Variants in TAFA2 observed in about 807,000 individuals in gnomAD.
TAFA2 encodes chemokine-like protein TAFA-2.
In TAFA2, 7 loss-of-function variants were observed where a neutral mutation model predicts 18.8. The observed-to-expected ratio is 0.37, with a 90% CI of 0.21 to 0.70. TAFA2 has a LOEUF of 0.70. Among genes scored for constraint, TAFA2 ranks in the 30% least tolerant of loss-of-function variants. The pLI is 0.53. For missense variants in TAFA2, 122 were observed against 158.1 expected, an observed-to-expected ratio of 0.77 and a Z score of 1.23; for synonymous variants, 60 against 54.2, an observed-to-expected ratio of 1.11 and a Z score of -0.47.
intron 1 of TAFA2, among the ~76,000 whole-genome samples, chr12:61,943,557 C>T (rs537697087): frequency 6.8e-6 from 1 of 147,496 alleles, no homozygotes; most frequent in East Asian, 2.0e-4. Flanking sequence ...TTCAGGAAAC[C>T]CATCTCACGT....
chr12:62,106,931 C>G (rs958908817), intron 1 of TAFA2, among the ~76,000 whole-genome samples: 11 of 152,112 alleles, frequency 7.2e-5, no homozygotes, highest in African/African-American at 2.7e-4. Flanking sequence ...AGAAATGACA[C>G]CCTTCCTCTA....
chr12:62,095,945 C>T (rs1466645415), intron 1 of TAFA2, among the ~76,000 whole-genome samples: 1 of 152,058 alleles, frequency 6.6e-6, no homozygotes, highest in Non-Finnish European at 1.5e-5. Flanking sequence ...TGCAGAACTT[C>T]AGGAAAAAGA....
At chr12:61,963,494 C>A (rs1020875711) in intron 1 of TAFA2, among the ~76,000 whole-genome samples, 1 of 151,964 alleles carries the variant, frequency 6.6e-6, no homozygotes, top group Non-Finnish European at 1.5e-5. Flanking sequence ...TAAATGTCTT[C>A]TTTTGAGAAG....
chr12:62,081,660 T>A (rs1405545056), intron 1 of TAFA2, among the ~76,000 whole-genome samples: 4 of 152,018 alleles, frequency 2.6e-5, no homozygotes, highest in African/African-American at 9.7e-5. Context: ...AATTTTTGTA[T>A]TTTTAGTAGA....
chr12:62,061,401 A>C (rs1342975547), intron 1 of TAFA2, among the ~76,000 whole-genome samples: 1 of 152,242 alleles, frequency 6.6e-6, no homozygotes, highest in Non-Finnish European at 1.5e-5. Flanking sequence ...GCCTAGGAGC[A>C]ACAGACTATA....
intron 1 of TAFA2, among the ~76,000 whole-genome samples, chr12:61,961,550 TA>T (rs1878886516): frequency 6.6e-6 from 1 of 151,966 alleles, no homozygotes; most frequent in Admixed American, 6.6e-5. Context: ...TTAATGTCTA[TA>T]AGGCAGCATC....
chr12:61,909,224 A>G (rs1021772237), intron 1 of TAFA2, among the ~76,000 whole-genome samples: 2 of 152,192 alleles, frequency 1.3e-5, no homozygotes, highest in Non-Finnish European at 2.9e-5. Flanking sequence ...ATGTGTAAAA[A>G]TGGAGGTGAG....
At chr12:62,255,283 T>G (rs1037689013) in intron 1 of TAFA2, 1 of 152,208 alleles carries the variant, frequency 6.6e-6, no homozygotes, top group East Asian at 1.9e-4. Flanking sequence ...TTTCAATATT[T>G]TCATGTAGAG....
chr12:61,975,927 T>C (rs1382991600), intron 1 of TAFA2, among the ~76,000 whole-genome samples: 3 of 151,770 alleles, frequency 2.0e-5, no homozygotes, highest in Non-Finnish European at 4.4e-5. Context: ...GTGAGGTGAT[T>C]GATACATTAA....
chr12:61,748,480 T>C (rs1392249626), intron 4 of TAFA2, among the ~76,000 whole-genome samples: 1 of 152,062 alleles, frequency 6.6e-6, no homozygotes, highest in Admixed American at 6.6e-5. Context: ...AGAGAGAGCA[T>C]GATGATTGAA....
intron 4 of TAFA2, among the ~76,000 whole-genome samples, chr12:61,732,797 C>T (rs1291426577): frequency 2.0e-5 from 3 of 151,684 alleles, no homozygotes; most frequent in Admixed American, 1.3e-4. Context: ...GATTTTCCTG[C>T]TAAATGTTTT....
chr12:61,913,344 A>G (rs899647049), intron 1 of TAFA2, among the ~76,000 whole-genome samples: 1 of 152,242 alleles, frequency 6.6e-6, no homozygotes, highest in Non-Finnish European at 1.5e-5. Context: ...CATGTATAAC[A>G]TAAAGCCTCT....
At chr12:62,234,640 G>T in intron 1 of TAFA2, 1 of 849,574 alleles carries the variant, frequency 1.2e-6, no homozygotes, top group Non-Finnish European at 2.0e-6. Context: ...TTGCACTGGT[G>T]GCTAACAAGG....
chr12:62,143,542 C>T (rs1450307655), intron 1 of TAFA2, among the ~76,000 whole-genome samples: 1 of 152,120 alleles, frequency 6.6e-6, no homozygotes, highest in Non-Finnish European at 1.5e-5. Flanking sequence ...CCTAGGGACA[C>T]CACACAGCTT....
intron 1 of TAFA2, among the ~76,000 whole-genome samples, chr12:61,873,524 A>C (rs2121242667): frequency 6.6e-6 from 1 of 152,258 alleles, no homozygotes; most frequent in South Asian, 2.1e-4. Context: ...TATGAAAGTT[A>C]ATTTTCAAAT....
chr12:61,753,266 T>A (rs1443180931), intron 4 of TAFA2, among the ~76,000 whole-genome samples: 1 of 152,056 alleles, frequency 6.6e-6, no homozygotes, highest in Non-Finnish European at 1.5e-5. Flanking sequence ...GTTTTCAGAA[T>A]TTATTTAGAT....
At chr12:62,030,943 G>T (rs1255762251) in intron 1 of TAFA2, among the ~76,000 whole-genome samples, 1 of 152,082 alleles carries the variant, frequency 6.6e-6, no homozygotes, top group African/African-American at 2.4e-5. Flanking sequence ...TATAGAGGAG[G>T]TGTGGCCTTA....
At chr12:62,244,016 C>G (rs1404002274) in intron 1 of TAFA2, among the ~76,000 whole-genome samples, 1 of 151,038 alleles carries the variant, frequency 6.6e-6, no homozygotes, top group East Asian at 1.9e-4. Flanking sequence ...TCTCTAACTA[C>G]TGGGTTTAAG....
intron 1 of TAFA2, chr12:62,242,496 G>T: frequency 6.5e-6 from 1 of 153,494 alleles, no homozygotes; most frequent in South Asian, 1.8e-4. Context: ...CCACCACACT[G>T]GGTTGTTTTG....
Sources: allele counts gnomAD v4.1 joint callset (sites outside exome capture counted in the v4.1 genomes callset), GRCh38; gene constraint gnomAD v4.1.1; transcripts MANE v1.5; gene names NCBI Gene and HGNC (gene_info 2026-07-23, HGNC 2026-07-21).